The following ARHGAP24 variants were observed in gnomAD, a reference collection of about 807,000 sequenced individuals.
ARHGAP24 encodes rho GTPase-activating protein 24.
ARHGAP24 carries 50 observed loss-of-function variants against 76.4 expected under a neutral mutation model. The observed-to-expected ratio is 0.65, with a 90% confidence interval of 0.52 to 0.83. ARHGAP24 has a LOEUF of 0.83. Ranked by LOEUF, ARHGAP24 falls within the 40% of genes least tolerant of loss-of-function variation. The probability of loss-of-function intolerance (pLI) is 0.00; values close to 1 mark genes in which losing one functional copy is unlikely to be tolerated. For synonymous variants in ARHGAP24, 345 were observed against 323.3 expected, an observed-to-expected ratio of 1.07 and a Z score of -0.72; for missense variants, 930 against 914.2, an observed-to-expected ratio of 1.02 and a Z score of -0.22.
At chr4:85,849,151 G>A (rs942930204) in intron 3 of ARHGAP24, among the ~76,000 whole-genome samples, 1 of 146,078 alleles carries the variant, frequency 6.8e-6, no homozygotes, top group Non-Finnish European at 1.5e-5. Context: ...TCTCCTTGAA[G>A]AGGTCCTTCA....
intron 2 of ARHGAP24, among the ~76,000 whole-genome samples, chr4:85,626,923 CCATCAGGTCCTTTATGGACTTCTCTG>C (rs1720975566): frequency 6.6e-6 from 1 of 152,180 alleles, no homozygotes; most frequent in East Asian, 1.9e-4. Flanking sequence ...GTTTTCAGCT[CCATCAGGTCCTTTATGGACTTCTCTG>C]CATTGGTTAT....
chr4:85,689,475 C>A (rs1451967894), intron 2 of ARHGAP24, among the ~76,000 whole-genome samples: 1 of 152,146 alleles, frequency 6.6e-6, no homozygotes, highest in Non-Finnish European at 1.5e-5. Flanking sequence ...CAATCTCCAC[C>A]TCCTGGGTTC....
At chr4:85,948,303 G>A (rs191980679) in intron 5 of ARHGAP24, among the ~76,000 whole-genome samples, 23 of 152,202 alleles carry the variant, frequency 1.5e-4, no homozygotes, top group Non-Finnish European at 1.9e-4. Flanking sequence ...ATAGAATATC[G>A]TATAATAGGA....
At chr4:85,837,780 C>G (rs1038661902) in intron 3 of ARHGAP24, among the ~76,000 whole-genome samples, 1 of 152,110 alleles carries the variant, frequency 6.6e-6, no homozygotes, top group Non-Finnish European at 1.5e-5. Flanking sequence ...TGCCATGCTG[C>G]GGGCAATGTT....
At chr4:85,591,149 ATTC>A (rs756051043) in intron 2 of ARHGAP24, among the ~76,000 whole-genome samples, 26 of 141,376 alleles carry the variant, frequency 1.8e-4, no homozygotes, top group Admixed American at 2.4e-4. Context: ...GGTTCAAGCA[ATTC>A]TTCTGCCTCA....
intron 3 of ARHGAP24, among the ~76,000 whole-genome samples, chr4:85,775,729 C>T (rs548275701): frequency 1.3e-5 from 2 of 152,154 alleles, no homozygotes; most frequent in South Asian, 4.2e-4. Context: ...CATAGGAGGC[C>T]ATGGTTAGGC....
chr4:85,973,937 G>A (rs1003308836), intron 6 of ARHGAP24, among the ~76,000 whole-genome samples: 3 of 142,938 alleles, frequency 2.1e-5, no homozygotes, highest in Non-Finnish European at 3.0e-5. Context: ...CCGCCTCCAG[G>A]GTTCACACCA....
intron 1 of ARHGAP24, among the ~76,000 whole-genome samples, chr4:85,505,072 G>A (rs1723989973): frequency 6.6e-6 from 1 of 152,188 alleles, no homozygotes; most frequent in Non-Finnish European, 1.5e-5. Flanking sequence ...GGCTTGTAGG[G>A]TTTCTGTGGA....
intron 2 of ARHGAP24, among the ~76,000 whole-genome samples, chr4:85,654,281 T>C (rs780215226): frequency 1.2e-4 from 19 of 152,278 alleles, no homozygotes; most frequent in Non-Finnish European, 2.1e-4. Flanking sequence ...CTGGCATCTC[T>C]CTCTTCTCTG....
At chr4:85,931,023 G>T (rs1736301594) in intron 4 of ARHGAP24, 1 of 1,613,056 alleles carries the variant, frequency 6.2e-7, no homozygotes, top group Non-Finnish European at 8.5e-7. Context: ...GAATCAAACG[G>T]TGTTTTAGTT....
chr4:85,788,946 T>G (rs1727987152), intron 3 of ARHGAP24, among the ~76,000 whole-genome samples: 1 of 152,200 alleles, frequency 6.6e-6, no homozygotes, highest in Non-Finnish European at 1.5e-5. Context: ...ATATTTGGCC[T>G]TTGTTCCTTT....
At chr4:85,550,896 G>A (rs1179086220) in intron 1 of ARHGAP24, among the ~76,000 whole-genome samples, 1 of 152,142 alleles carries the variant, frequency 6.6e-6, no homozygotes, top group Non-Finnish European at 1.5e-5. Context: ...CTGAAACTTT[G>A]CTGAAGTTGT....
At position 85,581,073 on chromosome 4, in the gene ARHGAP24, G is replaced by T. The variant is rs1043153582; in HGVS notation, c.180+10352G>T. Among the ~76,000 whole-genome samples the T allele has an allele frequency of 1.1e-3, 172 of 151,984 alleles. 3 individuals are homozygous for T. Among genetic ancestry groups the T allele is most frequent in the Admixed American group, 0.011 (171 of 15,254 alleles). On this transcript the variant is annotated intron_variant, in intron 2 of 9. Transcript: ENST00000395184. ...CTCATCAAAGAATTTTTCCACAATT[G>T]TAAAAATCCTTCCTGTTTCTGATTT... is the stretch of plus-strand genomic sequence containing the variant.
At chr4:85,714,054 A>G (rs1156473434) in intron 2 of ARHGAP24, among the ~76,000 whole-genome samples, 2 of 152,272 alleles carry the variant, frequency 1.3e-5, no homozygotes, top group Non-Finnish European at 2.9e-5. Flanking sequence ...TCCTCTCACA[A>G]TCGAGGAATG....
intron 3 of ARHGAP24, among the ~76,000 whole-genome samples, chr4:85,740,409 G>C (rs1450041638): frequency 6.6e-6 from 1 of 151,820 alleles, no homozygotes; most frequent in Non-Finnish European, 1.5e-5. Context: ...TTTTGGTAGG[G>C]ACAGGGTTTC....
rs976799392 is a variant in ARHGAP24, at chr4:85,506,806, GAA to G, written c.-21+31249_-21+31250del. ...ACCAGGTACCTTAGTTGGAAATGAA[GAA>G]ATCACCCGTCTTCTGCATCAGTCAC... On this transcript the variant is annotated intron_variant, in intron 1 of 9. Coordinates refer to ENST00000395184, the MANE Select transcript of ARHGAP24 (RefSeq NM_001025616.3). 6.6e-5 allele frequency among the ~76,000 whole-genome samples: 10 copies of G among 152,142 alleles called. 1 individual carries two copies.
chr4:85,745,204 C>T (rs771373309), intron 3 of ARHGAP24, among the ~76,000 whole-genome samples: 2 of 151,464 alleles, frequency 1.3e-5, no homozygotes, highest in African/African-American at 4.9e-5. Context: ...TTCAAGAGGC[C>T]GTGGCAGGAG....
At chr4:85,633,548 T>C (rs1365465098) in intron 2 of ARHGAP24, among the ~76,000 whole-genome samples, 4 of 151,916 alleles carry the variant, frequency 2.6e-5, no homozygotes, top group African/African-American at 2.4e-5. Flanking sequence ...TTTTGCTATA[T>C]GTAAAATACA....
At chr4:85,866,869 C>T (rs1732228607) in intron 3 of ARHGAP24, among the ~76,000 whole-genome samples, 1 of 152,052 alleles carries the variant, frequency 6.6e-6, no homozygotes, top group African/African-American at 2.4e-5. Context: ...TGGCTGCATC[C>T]TGGAAGATGG....
Sources: gnomAD v4.1 joint callset for allele counts (sites outside exome capture counted in the v4.1 genomes callset) on GRCh38, gnomAD v4.1.1 for gene constraint, MANE v1.5 for transcripts, NCBI Gene and HGNC (gene_info 2026-07-23, HGNC 2026-07-21) for gene names.